Variants in MBOAT2 observed in about 807,000 individuals in gnomAD.
MBOAT2 encodes membrane-bound glycerophospholipid O-acyltransferase 2.
In MBOAT2, 28 loss-of-function variants were observed where a neutral mutation model predicts 63.4. That is an observed-to-expected ratio of 0.44 (90% CI 0.33 to 0.61). MBOAT2 has a LOEUF of 0.61. Ranked by LOEUF, MBOAT2 falls within the 20% of genes least tolerant of loss-of-function variation. The probability of loss-of-function intolerance (pLI) is 0.03; values close to 1 mark genes in which losing one functional copy is unlikely to be tolerated. For synonymous variants in MBOAT2, 211 were observed against 215.6 expected, an observed-to-expected ratio of 0.98 and a Z score of 0.19; for missense variants, 470 against 605.8, an observed-to-expected ratio of 0.78 and a Z score of 2.35.
At chr2:8,892,090 C>T (rs1298064771) in intron 4 of MBOAT2, among the ~76,000 whole-genome samples, 1 of 152,096 alleles carries the variant, frequency 6.6e-6, no homozygotes, top group Non-Finnish European at 1.5e-5. Flanking sequence ...TTCTATTACA[C>T]AGTAAAACTC....
intron 2 of MBOAT2, among the ~76,000 whole-genome samples, chr2:8,947,349 CA>C (rs1413606069): frequency 5.9e-5 from 9 of 152,168 alleles, no homozygotes; most frequent in Admixed American, 1.3e-4. Context: ...GGTGAAGCAG[CA>C]AGTGCTGAGG....
At chr2:8,880,839 G>A (rs1002459025) in intron 6 of MBOAT2, among the ~76,000 whole-genome samples, 2 of 152,178 alleles carry the variant, frequency 1.3e-5, no homozygotes, top group African/African-American at 2.4e-5. Context: ...CAGTGAAATC[G>A]GCCAAGATTA....
At chr2:8,996,266 A>G (rs1672296469) in intron 1 of MBOAT2, among the ~76,000 whole-genome samples, 1 of 152,238 alleles carries the variant, frequency 6.6e-6, no homozygotes, top group Admixed American at 6.5e-5. Context: ...TTAAAAGTGA[A>G]CTGGAATTAG....
chr2:8,955,739 A>G (rs1669167061), intron 2 of MBOAT2, among the ~76,000 whole-genome samples: 1 of 152,244 alleles, frequency 6.6e-6, no homozygotes, highest in African/African-American at 2.4e-5. Context: ...ACAGCATCAC[A>G]TGCTACAGAG....
chr2:8,872,703 C>T (rs1662411734), intron 8 of MBOAT2, among the ~76,000 whole-genome samples: 1 of 152,218 alleles, frequency 6.6e-6, no homozygotes, highest in South Asian at 2.1e-4. Context: ...TGCTGATAAA[C>T]TACTGATCAT....
At chr2:8,959,586 C>G (rs1375637127) in intron 1 of MBOAT2, among the ~76,000 whole-genome samples, 1 of 151,922 alleles carries the variant, frequency 6.6e-6, no homozygotes, top group African/African-American at 2.4e-5. Context: ...CTCAGCCTTC[C>G]AAGTAGCTGG....
intron 1 of MBOAT2, among the ~76,000 whole-genome samples, chr2:8,992,188 T>G (rs1375421597): frequency 6.6e-6 from 1 of 152,258 alleles, no homozygotes; most frequent in Non-Finnish European, 1.5e-5. Flanking sequence ...ATCTTGAAAT[T>G]TAATATTGTT....
chr2:8,854,078 G>T lies in MBOAT2; in HGVS notation c.*4601C>A, dbSNP rs77051053. ...TATAAGAGCTTTCCTACAAAATACC[G>T]ATGTGGAAAATTTCATTTTAAAATT... is the stretch of plus-strand genomic sequence containing the variant. On this transcript the variant is annotated 3_prime_UTR_variant, in exon 13 of 13. Coordinates refer to ENST00000305997, the MANE Select transcript of MBOAT2 (RefSeq NM_138799.4). 2 of 152,244 alleles carry T rather than the reference G, an allele frequency of 1.3e-5. No homozygotes were observed. Among genetic ancestry groups the T allele is most frequent in the East Asian group, 3.9e-4 (2 of 5,186 alleles). The allele number at this position is 152,244 out of a possible 1,614,324, so 9.4% of individuals were successfully genotyped here. A position where few individuals can be genotyped will look rare whatever the true frequency, so the allele number is the denominator to read the frequency against.
At position 8,854,143 on chromosome 2, in the gene MBOAT2, T is replaced by C. The variant is rs968237875; in HGVS notation, c.*4536A>G. 6.6e-6 allele frequency: 1 copy of C among 152,136 alleles called. No individual in the cohort carries two copies. The highest frequency in any genetic ancestry group is 1.5e-5 in the Non-Finnish European group (1 of 68,024). 9.4% of individuals were successfully genotyped at this position (152,136 alleles called of 1,614,324 possible). ...AGTTTCTATAAATAGATTTGACTAC[T>C]TGGTGTTGCAGAAAAACACTGTAGA... On this transcript the variant is annotated 3_prime_UTR_variant, in exon 13 of 13. Transcript: ENST00000305997.
intron 1 of MBOAT2, among the ~76,000 whole-genome samples, chr2:8,978,023 T>C (rs1423736885): frequency 6.6e-6 from 1 of 152,090 alleles, no homozygotes; most frequent in Non-Finnish European, 1.5e-5. Context: ...CTCCTGCCTC[T>C]ACCAGTCAGT....
rs1483115649 is a variant in MBOAT2, at chr2:8,943,175, G to C, written c.299+12C>G. The C allele has an allele frequency of 1.3e-6, 2 of 1,482,424 alleles. No homozygotes were observed. The highest frequency in any genetic ancestry group is 2.8e-5 in the African/African-American group (2 of 71,728). 91.8% of individuals were successfully genotyped at this position (1,482,424 alleles called of 1,614,324 possible). A position where few individuals can be genotyped will look rare whatever the true frequency, so the allele number is the denominator to read the frequency against. On this transcript the variant is annotated intron_variant, in intron 3 of 12. Coordinates refer to ENST00000305997, the MANE Select transcript of MBOAT2 (RefSeq NM_138799.4). The stretch of plus-strand genomic sequence containing the variant: ...AAATATATATTTTCATGTGAACAAA[G>C]TGAATACTTACTTGTGCATGTTCTC...
chr2:8,930,826 G>T (rs1558627463), intron 3 of MBOAT2, among the ~76,000 whole-genome samples: 1 of 152,050 alleles, frequency 6.6e-6, no homozygotes, highest in Non-Finnish European at 1.5e-5. Flanking sequence ...TAACAAACCT[G>T]CACGTTGTGC....
chr2:8,892,533 C>A (rs553398978), intron 4 of MBOAT2, among the ~76,000 whole-genome samples: 2 of 152,164 alleles, frequency 1.3e-5, no homozygotes, highest in South Asian at 4.1e-4. Context: ...GCCAAAGATA[C>A]AATGTGAACA....
intron 2 of MBOAT2, among the ~76,000 whole-genome samples, chr2:8,944,301 T>C (rs1227515955): frequency 6.6e-6 from 1 of 152,196 alleles, no homozygotes; most frequent in Admixed American, 6.5e-5. Context: ...CCCTAATTTA[T>C]GCATGTCCGT....
At chr2:8,971,296 G>C (rs1217948131) in intron 1 of MBOAT2, among the ~76,000 whole-genome samples, 1 of 152,148 alleles carries the variant, frequency 6.6e-6, no homozygotes, top group Non-Finnish European at 1.5e-5. Context: ...TGCAGAAAAG[G>C]CCTTTGACAA....
At chr2:8,905,358 AAAACAAGAGCCTTC>A (rs1044794731) in intron 4 of MBOAT2, among the ~76,000 whole-genome samples, 7 of 152,142 alleles carry the variant, frequency 4.6e-5, no homozygotes, top group African/African-American at 1.7e-4. Flanking sequence ...AAAACAAAAA[AAAACAAGAGCCTTC>A]AAGTTCATTC....
At chr2:8,931,639 T>C (rs1400284821) in intron 3 of MBOAT2, among the ~76,000 whole-genome samples, 1 of 152,212 alleles carries the variant, frequency 6.6e-6, no homozygotes, top group Non-Finnish European at 1.5e-5. Flanking sequence ...CTTTTGATGT[T>C]TTTGTCATGA....
chr2:8,897,744 T>C (rs1664589847), intron 4 of MBOAT2, among the ~76,000 whole-genome samples: 1 of 152,198 alleles, frequency 6.6e-6, no homozygotes, highest in African/African-American at 2.4e-5. Context: ...TAAGAGGTCA[T>C]CTTGGGCGGC....
At chr2:8,979,078 C>G (rs940925366) in intron 1 of MBOAT2, among the ~76,000 whole-genome samples, 8 of 152,246 alleles carry the variant, frequency 5.3e-5, no homozygotes, top group Admixed American at 1.3e-4. Flanking sequence ...CAAAAAAACT[C>G]CTCTACTGGC....
Sources: allele counts gnomAD v4.1 joint callset (sites outside exome capture counted in the v4.1 genomes callset), GRCh38; gene constraint gnomAD v4.1.1; transcripts MANE v1.5; gene names NCBI Gene and HGNC (gene_info 2026-07-23, HGNC 2026-07-21).